Variants in PTPRK observed in about 807,000 individuals in gnomAD.
PTPRK encodes the protein protein tyrosine phosphatase receptor type K, also known as receptor-type tyrosine-protein phosphatase kappa.
PTPRK carries 75 observed loss-of-function variants against 178.0 expected under a neutral mutation model. The ratio of observed to expected loss-of-function variants is 0.42; its 90% CI spans 0.35 to 0.51. The LOEUF is 0.51. Among genes scored for constraint, PTPRK ranks in the 20% least tolerant of loss-of-function variants. PTPRK has a pLI of 0.02. For synonymous variants in PTPRK, 637 were observed against 620.6 expected, an observed-to-expected ratio of 1.03 and a Z score of -0.39; for missense variants, 1,441 against 1,797.8, an observed-to-expected ratio of 0.80 and a Z score of 3.59.
chr6:128,318,448 T>G (rs1362611151), intron 3 of PTPRK, among the ~76,000 whole-genome samples: 1 of 152,132 alleles, frequency 6.6e-6, no homozygotes, highest in Admixed American at 6.6e-5. Flanking sequence ...ATGGAAAATG[T>G]TAAGAAGAAA....
intron 3 of PTPRK, among the ~76,000 whole-genome samples, chr6:128,296,115 G>A (rs1047631387): frequency 9.2e-5 from 14 of 151,966 alleles, no homozygotes; most frequent in Non-Finnish European, 1.9e-4. Flanking sequence ...TTCCCTCCCT[G>A]TCTTAACCTC....
intron 11 of PTPRK, among the ~76,000 whole-genome samples, chr6:128,075,515 G>A (rs2114974508): frequency 6.6e-6 from 1 of 152,012 alleles, no homozygotes; most frequent in Admixed American, 6.6e-5. Flanking sequence ...CACAAATTCA[G>A]CTTTAGTACC....
intron 1 of PTPRK, among the ~76,000 whole-genome samples, chr6:128,419,126 G>A (rs1843165378): frequency 6.6e-6 from 1 of 152,182 alleles, no homozygotes; most frequent in African/African-American, 2.4e-5. Flanking sequence ...GTTTCTGAAT[G>A]CTTTTAATGT....
chr6:128,120,551 TAA>T (rs896016236), intron 7 of PTPRK, among the ~76,000 whole-genome samples: 12 of 152,104 alleles, frequency 7.9e-5, no homozygotes, highest in African/African-American at 2.9e-4. Flanking sequence ...CAGGGAAGAT[TAA>T]AAGTGTTTCC....
At position 128,195,033 on chromosome 6, in the gene PTPRK, C is replaced by T. The variant is rs542311338; in HGVS notation, c.869-10308G>A. Among the ~76,000 whole-genome samples, 23 of 150,470 alleles carry T rather than the reference C, an allele frequency of 1.5e-4. 1 individual carries two copies. The South Asian group carries it at 4.8e-3, about 31-fold the overall frequency. On this transcript the variant is annotated intron_variant, in intron 6 of 29. Coordinates refer to ENST00000368226, the MANE Select transcript of PTPRK (RefSeq NM_002844.4). ...TGTGTGTAATATACATATATGCAGA[C>T]ACATACACATATGTAAATATATGTG...
chr6:128,357,453 G>A (rs563633824), intron 2 of PTPRK, among the ~76,000 whole-genome samples: 1 of 152,250 alleles, frequency 6.6e-6, no homozygotes, highest in South Asian at 2.1e-4. Context: ...TTCCCTGAGA[G>A]GGCAAGAAAG....
At chr6:128,342,733 AG>A (rs1234490304) in intron 2 of PTPRK, among the ~76,000 whole-genome samples, 1 of 152,208 alleles carries the variant, frequency 6.6e-6, no homozygotes, top group African/African-American at 2.4e-5. Flanking sequence ...TTAAAATGGT[AG>A]AGCCAAGGGA....
intron 13 of PTPRK, among the ~76,000 whole-genome samples, chr6:128,027,471 C>G (rs763648237): frequency 4.0e-5 from 6 of 151,556 alleles, no homozygotes; most frequent in Non-Finnish European, 5.9e-5. Flanking sequence ...GTCAAACTGA[C>G]CTTTAAAAAA....
At chr6:128,172,737 TAC>T in intron 7 of PTPRK, among the ~76,000 whole-genome samples, 1 of 151,170 alleles carries the variant, frequency 6.6e-6, no homozygotes, top group East Asian at 2.0e-4. Flanking sequence ...CACATACATA[TAC>T]ACACGTACAT....
At chr6:128,066,482 G>C (rs1434999089) in intron 12 of PTPRK, among the ~76,000 whole-genome samples, 1 of 126,150 alleles carries the variant, frequency 7.9e-6, no homozygotes, top group Non-Finnish European at 1.7e-5. Context: ...AATGCAAAAG[G>C]ATTGTTATGT....
intron 2 of PTPRK, among the ~76,000 whole-genome samples, chr6:128,344,681 A>T (rs896828041): frequency 4.0e-5 from 6 of 151,778 alleles, no homozygotes; most frequent in African/African-American, 1.5e-4. Flanking sequence ...AAACTGACAA[A>T]TTTTTTTGTA....
chr6:128,281,969 C>T (rs966207337), intron 3 of PTPRK, among the ~76,000 whole-genome samples: 3 of 151,990 alleles, frequency 2.0e-5, no homozygotes, highest in Admixed American at 2.0e-4. Flanking sequence ...GAGAGAAAAG[C>T]AACATGGACT....
intron 13 of PTPRK, among the ~76,000 whole-genome samples, chr6:128,041,449 A>G (rs942752306): frequency 1.3e-5 from 2 of 152,084 alleles, no homozygotes; most frequent in Non-Finnish European, 2.9e-5. Flanking sequence ...GTCATAAACC[A>G]ATGCTCTATA....
At chr6:128,225,428 G>T (rs1175150031) in intron 5 of PTPRK, among the ~76,000 whole-genome samples, 1 of 152,130 alleles carries the variant, frequency 6.6e-6, no homozygotes, top group Non-Finnish European at 1.5e-5. Context: ...AGGCTGACGT[G>T]AAATTTACAA....
chr6:128,169,792 T>C (rs977101499), intron 7 of PTPRK, among the ~76,000 whole-genome samples: 3 of 141,678 alleles, frequency 2.1e-5, no homozygotes, highest in Non-Finnish European at 4.5e-5. Flanking sequence ...AATGTGTGTG[T>C]GTGTGTGTGT....
intron 11 of PTPRK, among the ~76,000 whole-genome samples, chr6:128,078,380 C>A (rs560791060): frequency 5.9e-5 from 9 of 152,066 alleles, no homozygotes; most frequent in Admixed American, 4.6e-4. Context: ...TTGAAATGAA[C>A]CACTTTATTA....
chr6:128,046,401 C>T (rs1327460568), intron 13 of PTPRK, among the ~76,000 whole-genome samples: 1 of 152,094 alleles, frequency 6.6e-6, no homozygotes. Flanking sequence ...TCACTGATTA[C>T]AAGTTTTCAG....
At chr6:128,351,926 T>C (rs910996067) in intron 2 of PTPRK, among the ~76,000 whole-genome samples, 2 of 152,104 alleles carry the variant, frequency 1.3e-5, no homozygotes, top group Non-Finnish European at 2.9e-5. Context: ...TACATTTTTC[T>C]ATTGGGCCTT....
chr6:128,001,363 ACT>A (rs1777807500), intron 15 of PTPRK, among the ~76,000 whole-genome samples: 1 of 151,994 alleles, frequency 6.6e-6, no homozygotes, highest in African/African-American at 2.4e-5. Flanking sequence ...TGGATGCAAA[ACT>A]CTAAAGACCA....
Sources: gnomAD v4.1 joint callset for allele counts (sites outside exome capture counted in the v4.1 genomes callset) on GRCh38, gnomAD v4.1.1 for gene constraint, MANE v1.5 for transcripts, NCBI Gene and HGNC (gene_info 2026-07-23, HGNC 2026-07-21) for gene names.